The following CCDC183 variants were observed in gnomAD, a reference collection of about 807,000 sequenced individuals.
CCDC183 encodes coiled-coil domain containing 183.
In CCDC183, 63 loss-of-function variants were observed where a neutral mutation model predicts 65.2. The observed-to-expected ratio is 0.97, with a 90% CI of 0.79 to 1.19. The LOEUF (loss-of-function observed/expected upper bound fraction) is 1.19. Among genes scored for constraint, CCDC183 ranks in the 50% most tolerant of loss-of-function variants. The pLI is 0.00. For synonymous variants in CCDC183, 323 were observed against 276.5 expected, an observed-to-expected ratio of 1.17 and a Z score of -1.67; for missense variants, 769 against 689.3, an observed-to-expected ratio of 1.12 and a Z score of -1.30.
At position 136,804,150 on chromosome 9, in the gene CCDC183, A is replaced by G. The variant is rs951133113; in HGVS notation, c.667-352A>G. Reference sequence around the variant, plus strand: ...TAGCAGATGACGGTTTTAGCTGCCCAAGGGCACGCTGGAAGAGGCCAGGTT... The same window carrying G: ...TAGCAGATGACGGTTTTAGCTGCCCGAGGGCACGCTGGAAGAGGCCAGGTT... On this transcript the variant is annotated intron_variant, in intron 6 of 13. Transcript: ENST00000338005. The surrounding 1 kb of genome is among the most constrained non-coding windows in gnomAD (Gnocchi z 4.1). The G allele has an allele frequency of 1.1e-5, 3 of 271,894 alleles. No homozygotes were observed. Among genetic ancestry groups the G allele is most frequent in the Admixed American group, 4.6e-5 (1 of 21,550 alleles). 16.8% of individuals were successfully genotyped at this position (271,894 alleles called of 1,614,324 possible).
At chr9:136,801,581 C>T (rs1847737768) in intron 5 of CCDC183, among the ~76,000 whole-genome samples, 1 of 151,886 alleles carries the variant, frequency 6.6e-6, no homozygotes, top group Non-Finnish European at 1.5e-5. Context: ...TGGTGCATGC[C>T]TGTAATCCCA....
At chr9:136,800,235 G>A in intron 4 of CCDC183, 66 bp downstream of exon 4, 2 of 380,876 alleles carry the variant, frequency 5.3e-6, no homozygotes, top group East Asian at 6.8e-5. Flanking sequence ...GAGGGGCGGG[G>A]CCACCGGGGG....
chr9:136,799,874 G>A (rs1847709177), intron 3 of CCDC183, 84 bp downstream of exon 3: 2 of 1,507,614 alleles, frequency 1.3e-6, no homozygotes, highest in East Asian at 2.4e-5. Context: ...AGCCGACGAG[G>A]GACGGAGCAG....
At chr9:136,803,993 G>A (rs887482957) in intron 6 of CCDC183, 4 of 166,516 alleles carry the variant, frequency 2.4e-5, no homozygotes, top group Non-Finnish European at 5.2e-5. Context: ...CTGATCACCT[G>A]GGTATACCCG....
chr9:136,806,692 G>A lies in CCDC183; in HGVS notation c.1278+20G>A. The A allele has an allele frequency of 6.2e-7, 1 of 1,613,194 alleles. No homozygotes were observed. Among genetic ancestry groups the A allele is most frequent in the Non-Finnish European group, 8.5e-7 (1 of 1,179,920 alleles). On this transcript the variant is annotated intron_variant, in intron 11 of 13. Transcript: ENST00000338005. ...ACCCAGGTACCGGGAGTGAGGCTGA[G>A]CTGCCACACACCAGGTCCCTGGGCA...
intron 5 of CCDC183, 79 bp from the exon 6 acceptor site, chr9:136,802,585 G>A (rs1847752919): frequency 2.0e-6 from 3 of 1,532,394 alleles, no homozygotes; most frequent in South Asian, 1.3e-5. Context: ...TGTTCTCAGG[G>A]CTCTTAGTCG....
Position 136,806,066 on chromosome 9 carries a change from C to G in CCDC183, c.949-12C>G, listed in dbSNP as rs574486749. 1.9e-6 allele frequency: 3 copies of G among 1,547,496 alleles called. No homozygotes were observed. The highest frequency in any genetic ancestry group is 2.6e-6 in the Non-Finnish European group (3 of 1,146,212). ...GGCCCACACCTGCTTCTCTCTCCCC[C>G]GGACTGGCCAGGACATCACTAGCCG... On this transcript the variant is annotated splice_polypyrimidine_tract_variant and intron_variant, in intron 9 of 13. Coordinates refer to ENST00000338005, the MANE Select transcript of CCDC183 (RefSeq NM_001039374.5).
At chr9:136,799,467 G>A (rs1365553894) in intron 2 of CCDC183, 2 of 725,622 alleles carry the variant, frequency 2.8e-6, no homozygotes, top group South Asian at 1.9e-5. Context: ...CTGCAGCAGG[G>A]GCCCCCTCTG....
Position 136,804,272 on chromosome 9 carries a change from G to A in CCDC183, c.667-230G>A, listed in dbSNP as rs529750942. 5.8e-4 allele frequency: 313 copies of A among 540,646 alleles called. No homozygotes were observed. Among genetic ancestry groups the A allele is most frequent in the Non-Finnish European group, 7.8e-4 (239 of 308,112 alleles). The allele number at this position is 540,646 out of a possible 1,614,324, so 33.5% of individuals were successfully genotyped here. A position where few individuals can be genotyped will look rare whatever the true frequency, so the allele number is the denominator to read the frequency against. On this transcript the variant is annotated intron_variant, in intron 6 of 13. Coordinates refer to ENST00000338005, the MANE Select transcript of CCDC183 (RefSeq NM_001039374.5). The surrounding 1 kb of genome is among the most constrained non-coding windows in gnomAD (Gnocchi z 4.1). ...GGAGGCAGCTGGGGGCCAGCGGCTG[G>A]AGGGCAGCAGAGCGTCTGGGCTGGC...
Position 136,807,560 on chromosome 9 carries a change from C to T in CCDC183, c.1487-12C>T, listed in dbSNP as rs1484785138. On this transcript the variant is annotated splice_polypyrimidine_tract_variant and intron_variant, in intron 13 of 13. Transcript: ENST00000338005. ...GCTAGCCCCGTGTGCGAGCCGCCGCCTCCGCCCGCAGACACCTTCCAGTTC... is the reference window on the plus strand; with the variant it reads ...GCTAGCCCCGTGTGCGAGCCGCCGCTTCCGCCCGCAGACACCTTCCAGTTC... 1 of 1,592,464 alleles carries T rather than the reference C, an allele frequency of 6.3e-7. No homozygotes were observed. The highest frequency in any genetic ancestry group is 1.1e-5 in the South Asian group (1 of 88,448).
rs538873126 is a variant in CCDC183 at position 136,805,548 on chromosome 9, A to G, written c.948+91A>G. 2.6e-4 allele frequency: 318 copies of G among 1,224,594 alleles called. No individual in the cohort carries two copies. The African/African-American group carries it at 4.3e-3, about 17-fold the overall frequency. 75.9% of individuals were successfully genotyped at this position (1,224,594 alleles called of 1,614,324 possible). On this transcript the variant is annotated intron_variant, in intron 9 of 13. Coordinates refer to ENST00000338005, the MANE Select transcript of CCDC183 (RefSeq NM_001039374.5). ...CTCCCTGGCACTCCCGGAGCATGGCAGGAGGGTGGCTGAGCTGGGCTGGGG... is the reference window on the plus strand; with the variant it reads ...CTCCCTGGCACTCCCGGAGCATGGCGGGAGGGTGGCTGAGCTGGGCTGGGG...
chr9:136,807,657 G>GCC lies in CCDC183; in HGVS notation c.1572_1573insCC (p.Lys525ProfsTer24). 1 of 1,604,290 alleles carries GCC rather than the reference G, an allele frequency of 6.2e-7. No individual in the cohort carries two copies. Among genetic ancestry groups the GCC allele is most frequent in the East Asian group, 2.3e-5 (1 of 44,328 alleles). On this transcript the variant is annotated frameshift_variant, in exon 14 of 14. Transcript: ENST00000338005. LOFTEE classifies it high-confidence loss of function. ...GGCAGGCGCAGCGGCTAATCGAGGG[G>GCC]AAGCTCAAGGCGGCCAAGAAAAAGA...
At chr9:136,797,770 C>G (rs1249921157) in intron 1 of CCDC183, among the ~76,000 whole-genome samples, 4 of 152,146 alleles carry the variant, frequency 2.6e-5, no homozygotes, top group Non-Finnish European at 5.9e-5. Context: ...AGTCTTCATC[C>G]CACCTGACGA....
chr9:136,800,327 C>A, intron 4 of CCDC183, 62 bp from the exon 5 acceptor site: 2 of 1,506,860 alleles, frequency 1.3e-6, no homozygotes, highest in Non-Finnish European at 1.8e-6. Flanking sequence ...GAAAACCCAG[C>A]CCCGACACCC....
At position 136,807,625 on chromosome 9, in the gene CCDC183, A is replaced by C; in HGVS notation, c.1540A>C (p.Ile514Leu). 1 of 1,605,614 alleles carries C rather than the reference A, an allele frequency of 6.2e-7. No homozygotes were observed. Among genetic ancestry groups the C allele is most frequent in the Non-Finnish European group, 8.5e-7 (1 of 1,176,590 alleles). The part of the protein sequence containing the change: ...DHSYVPSRAE[I>L]KRQAQRLIEG... Reference sequence around the variant, plus strand: ...CAGCTACGTCCCTTCGCGCGCCGAGATCAAGAGGCAGGCGCAGCGGCTAAT... The same window carrying C: ...CAGCTACGTCCCTTCGCGCGCCGAGCTCAAGAGGCAGGCGCAGCGGCTAAT... Residue 514 changes from isoleucine to leucine, a missense_variant, in exon 14 of 14, where the codon ATC (isoleucine) becomes CTC (leucine). Physicochemically the swap from Ile to Leu is conservative, Grantham distance 5. Transcript: ENST00000338005.
Position 136,804,332 on chromosome 9 carries a change from G to A in CCDC183, c.667-170G>A. The A allele has an allele frequency of 1.1e-6, 1 of 877,784 alleles. No homozygotes were observed. Among genetic ancestry groups the A allele is most frequent in the Middle Eastern group, 3.5e-4 (1 of 2,832 alleles). The allele number at this position is 877,784 out of a possible 1,614,324, so 54.4% of individuals were successfully genotyped here. On this transcript the variant is annotated intron_variant, in intron 6 of 13. Transcript: ENST00000338005. The surrounding 1 kb of genome is among the most constrained non-coding windows in gnomAD (Gnocchi z 4.1). The stretch of plus-strand genomic sequence containing the variant: ...GAGGCATGGGCAAGGAGGGCCGTGA[G>A]CTGAGGGGCCACGGGCACAAGTGGT...
chr9:136,806,282 A>G, intron 10 of CCDC183, 44 bp downstream of exon 10: 1 of 1,554,238 alleles, frequency 6.4e-7, no homozygotes, highest in Non-Finnish European at 8.7e-7. Context: ...CCCCAGTCTC[A>G]CAAAGGCCCC....
At chr9:136,799,401 G>C in intron 2 of CCDC183, 178 bp downstream of exon 2, 2 of 1,083,080 alleles carry the variant, frequency 1.8e-6, no homozygotes, top group Non-Finnish European at 2.6e-6. Context: ...CCCAGCATCC[G>C]GTGGGCAGGT....
At position 136,804,413 on chromosome 9, in the gene CCDC183, G is replaced by T; in HGVS notation, c.667-89G>T. 2.7e-6 allele frequency: 4 copies of T among 1,498,266 alleles called. No individual in the cohort carries two copies. Among genetic ancestry groups the T allele is most frequent in the Non-Finnish European group, 3.6e-6 (4 of 1,119,566 alleles). 92.8% of individuals were successfully genotyped at this position (1,498,266 alleles called of 1,614,324 possible). A position where few individuals can be genotyped will look rare whatever the true frequency, so the allele number is the denominator to read the frequency against. On this transcript the variant is annotated intron_variant, in intron 6 of 13. Transcript: ENST00000338005. This position sits in a 1 kb window ranked among gnomAD's most constrained non-coding sequence, Gnocchi z 4.1. The stretch of plus-strand genomic sequence containing the variant: ...ATGCAGTTCCAAAGTCTAGTAAGGT[G>T]AGCATGGCCAACCGCCCGCTGGCTT...
Sources: gnomAD v4.1 joint callset for allele counts (sites outside exome capture counted in the v4.1 genomes callset) on GRCh38, gnomAD v4.1.1 for gene constraint, Gnocchi (gnomAD v3.1) non-coding constraint, MANE v1.5 for transcripts, NCBI Gene and HGNC (gene_info 2026-07-23, HGNC 2026-07-21) for gene names.